RBFOX3: variants seen among roughly 807,000 people sequenced by gnomAD.
RBFOX3 encodes RNA binding protein fox-1 homolog 3.
Under a neutral mutation model 48.7 loss-of-function variants are expected in RBFOX3, and 17 were observed. That is an observed-to-expected ratio of 0.35 (90% CI 0.24 to 0.52). RBFOX3 has a LOEUF of 0.52. RBFOX3 is among the 20% of genes least tolerant of loss of function. RBFOX3 has a pLI of 0.94. For missense variants in RBFOX3, 382 were observed against 497.5 expected (o/e 0.77, Z 2.21); for synonymous variants, 212 against 209.5 (o/e 1.01, Z -0.10).
chr17:79,609,848 C>A (rs1451592207), intron 1 of RBFOX3, among the ~76,000 whole-genome samples: 1 of 152,008 alleles, frequency 6.6e-6, no homozygotes, highest in African/African-American at 2.4e-5. Flanking sequence ...GGCCTCGCGC[C>A]ACCCCGAGAC....
chr17:79,096,245 G>A (rs1172663367), intron 12 of RBFOX3, among the ~76,000 whole-genome samples: 2 of 152,132 alleles, frequency 1.3e-5, no homozygotes, highest in Non-Finnish European at 2.9e-5. Context: ...AGGGGGGTAG[G>A]CCCTGGAGCA....
intron 4 of RBFOX3, among the ~76,000 whole-genome samples, chr17:79,119,823 C>A (rs139172998): frequency 6.6e-6 from 1 of 152,174 alleles, no homozygotes; most frequent in Admixed American, 6.5e-5. Flanking sequence ...GGCTACACAT[C>A]CCAGTCACCT....
At chr17:79,628,308 C>G in the RBFOX3 span, among the ~76,000 whole-genome samples, 5 of 152,142 alleles carry the variant, frequency 3.3e-5, no homozygotes, top group East Asian at 9.7e-4. Flanking sequence ...CAATGCGCTT[C>G]CTGCTCAGAC....
chr17:79,281,239 T>G (rs1008652713), intron 3 of RBFOX3, among the ~76,000 whole-genome samples: 2 of 152,224 alleles, frequency 1.3e-5, no homozygotes, highest in African/African-American at 2.4e-5. Context: ...CCAGGTGCCT[T>G]GGGCCTGGAG....
At chr17:79,427,169 C>T (rs1435883364) in intron 2 of RBFOX3, among the ~76,000 whole-genome samples, 3 of 152,164 alleles carry the variant, frequency 2.0e-5, no homozygotes, top group Admixed American at 6.5e-5. Context: ...GTAAGAGATG[C>T]GGACGGGGGG....
intron 3 of RBFOX3, among the ~76,000 whole-genome samples, chr17:79,300,115 G>C (rs768529715): frequency 6.6e-6 from 1 of 152,136 alleles, no homozygotes; most frequent in African/African-American, 2.4e-5. Flanking sequence ...TGTTGGCCAG[G>C]CTGGTCTCAA....
the RBFOX3 span, among the ~76,000 whole-genome samples, chr17:79,627,558 G>T: frequency 6.6e-6 from 1 of 152,152 alleles, no homozygotes; most frequent in African/African-American, 2.4e-5. Flanking sequence ...ACAGCCCCAG[G>T]CTGCCCACAG....
intron 1 of RBFOX3, among the ~76,000 whole-genome samples, chr17:79,551,915 T>C (rs1025113718): frequency 6.6e-5 from 10 of 152,316 alleles, no homozygotes; most frequent in Admixed American, 5.2e-4. Context: ...GCCTCGAGTA[T>C]TCCTTTAGAG....
intron 2 of RBFOX3, among the ~76,000 whole-genome samples, chr17:79,407,122 C>G (rs1241822442): frequency 1.3e-5 from 2 of 152,258 alleles, no homozygotes; most frequent in African/African-American, 4.8e-5. Flanking sequence ...ACTCTCCTAC[C>G]TCAGCCTCCC....
At chr17:79,217,929 G>A (rs962775298) in intron 4 of RBFOX3, among the ~76,000 whole-genome samples, 1 of 152,108 alleles carries the variant, frequency 6.6e-6, no homozygotes, top group African/African-American at 2.4e-5. Flanking sequence ...AGGGCAGGGT[G>A]GGGAGAAGTT....
rs1191186281 is a variant in RBFOX3, at chr17:79,391,466, C to G, written c.-174-83642G>C. ...TTAATAATGGGTGGTATCATAACATCTTCCTGAATTATTATCTAAAATGTC... is the reference window on the plus strand; with the variant it reads ...TTAATAATGGGTGGTATCATAACATGTTCCTGAATTATTATCTAAAATGTC... On this transcript the variant is annotated intron_variant, in intron 2 of 14. Coordinates refer to ENST00000693108, the MANE Select transcript of RBFOX3 (RefSeq NM_001350451.2). The surrounding 1 kb of genome is among the most constrained non-coding windows in gnomAD (Gnocchi z 5.0). Among the ~76,000 whole-genome samples, 5 of 152,208 alleles carry G rather than the reference C, an allele frequency of 3.3e-5. No individual in the cohort carries two copies. The highest frequency in any genetic ancestry group is 1.2e-4 in the African/African-American group (5 of 41,454).
At chr17:79,526,420 C>G (rs2150040355) in intron 1 of RBFOX3, among the ~76,000 whole-genome samples, 1 of 152,344 alleles carries the variant, frequency 6.6e-6, no homozygotes, top group East Asian at 1.9e-4. Context: ...TGTCACCTAT[C>G]ACACGATCCT....
At position 79,097,453 on chromosome 17, in the gene RBFOX3, T is replaced by A. The variant is rs748198163; in HGVS notation, c.623-29A>T. On this transcript the variant is annotated intron_variant, in intron 10 of 14. Coordinates refer to ENST00000693108, the MANE Select transcript of RBFOX3 (RefSeq NM_001350451.2). Reference sequence around the variant, plus strand: ...CAGGAAACGGGGCCCGAGACACGTGTGAGAGGCACAAGGGGACCCACCTGG... The same window carrying A: ...CAGGAAACGGGGCCCGAGACACGTGAGAGAGGCACAAGGGGACCCACCTGG... 14 of 1,524,046 alleles carry A rather than the reference T, an allele frequency of 9.2e-6. No individual in the cohort carries two copies. The South Asian group carries it at 1.3e-4, about 15-fold the overall frequency. The allele number at this position is 1,524,046 out of a possible 1,614,324, so 94.4% of individuals were successfully genotyped here.
intron 2 of RBFOX3, among the ~76,000 whole-genome samples, chr17:79,454,905 A>T (rs1429834811): frequency 3.3e-5 from 5 of 152,142 alleles, no homozygotes; most frequent in African/African-American, 1.2e-4. Context: ...GGGGCCCTGC[A>T]CCCAGAGGCA....
At chr17:79,407,529 T>C (rs932333290) in intron 2 of RBFOX3, among the ~76,000 whole-genome samples, 5 of 152,230 alleles carry the variant, frequency 3.3e-5, no homozygotes, top group African/African-American at 1.2e-4. Flanking sequence ...CAAGGTAGTA[T>C]GTAATTTGGC....
rs11869004 is a variant in RBFOX3, at chr17:79,177,957, G to A, written c.-34+57809C>T. On this transcript the variant is annotated intron_variant, in intron 4 of 14. Transcript: ENST00000693108. ...GGAGCCCCAGTCTCTGGACAGAGAC[G>A]GCCCCCAGGGAAGTTGGAGGTCCGA... is the stretch of plus-strand genomic sequence containing the variant. Among the ~76,000 whole-genome samples, 927 of 152,260 alleles carry A rather than the reference G, an allele frequency of 6.1e-3. 10 individuals carry two copies. The highest frequency in any genetic ancestry group is 0.021 in the African/African-American group (878 of 41,544).
intron 4 of RBFOX3, among the ~76,000 whole-genome samples, chr17:79,139,089 C>G (rs1452941065): frequency 6.7e-6 from 1 of 150,342 alleles, no homozygotes; most frequent in East Asian, 2.0e-4. Flanking sequence ...TGCACACAAG[C>G]ACATGTTCAC....
chr17:79,649,144 A>C, the RBFOX3 span, among the ~76,000 whole-genome samples: 417 of 152,022 alleles, frequency 2.7e-3, 1 homozygote, highest in African/African-American at 9.9e-3. Flanking sequence ...ATGCCTGGCT[A>C]ATTATTTTTA....
chr17:79,132,907 C>CG (rs775373206), intron 4 of RBFOX3: 2 of 152,344 alleles, frequency 1.3e-5, no homozygotes, highest in African/African-American at 2.4e-5. Context: ...ACGGGGCGTG[C>CG]GGGCCCGTGG....
Sources: gnomAD v4.1 joint callset for allele counts (sites outside exome capture counted in the v4.1 genomes callset) on GRCh38, gnomAD v4.1.1 for gene constraint, Gnocchi (gnomAD v3.1) non-coding constraint, MANE v1.5 for transcripts, NCBI Gene and HGNC (gene_info 2026-07-23, HGNC 2026-07-21) for gene names.